The following LAMB2 variants were observed in gnomAD, a reference collection of about 807,000 sequenced individuals.
The protein encoded by LAMB2 is laminin subunit beta-2.
Under a neutral mutation model 202.7 loss-of-function variants are expected in LAMB2, and 119 were observed. That is an observed-to-expected ratio of 0.59 (90% CI 0.51 to 0.68). The LOEUF (loss-of-function observed/expected upper bound fraction) is 0.68, where lower values mean the gene tolerates loss of function less well. Among genes scored for constraint, LAMB2 ranks in the 30% least tolerant of loss-of-function variants. The pLI, the probability that LAMB2 is intolerant of heterozygous loss-of-function variation, is 0.00. For synonymous variants in LAMB2, 818 were observed against 902.2 expected, an observed-to-expected ratio of 0.91 and a Z score of 1.67; for missense variants, 2,124 against 2,410.6, an observed-to-expected ratio of 0.88 and a Z score of 2.49.
Position 49,123,753 on chromosome 3 carries a change from G to C in LAMB2, c.3772C>G (p.Leu1258Val), listed in dbSNP as rs771785818. 9.5e-5 allele frequency: 154 copies of C among 1,613,354 alleles called. 1 individual carries two copies. The Middle Eastern group carries it at 4.3e-3, about 45-fold the overall frequency. Residue 1258 changes from leucine (L) to valine (V), a missense_variant, in exon 24 of 32, where the codon CTT becomes GTT. Leu to Val is a conservative substitution (Grantham distance 32). This residue lies in a region of LAMB2 where 1,702 missense variants were observed against 1,896.3 expected (regional missense o/e 0.90). Coordinates refer to ENST00000305544, the MANE Select transcript of LAMB2 (RefSeq NM_002292.4). ...RNTSAASTAQ[L>V]VEATEELRRE... ...CGCAGCTCCTCTGTGGCCTCCACAA[G>C]CTGTGCAGTGGAGGCGGCTGAGGTG...
rs757984116 is a variant in LAMB2 at position 49,122,940 on chromosome 3, G to A, written c.4337C>T (p.Ala1446Val). The change falls in exon 27 of 32, where the codon GCG (alanine) becomes GTG (valine). Residue 1446 changes from alanine to valine, a missense_variant. Physicochemically the swap from Ala to Val is moderately conservative, Grantham distance 64. Transcript: ENST00000305544. Reference protein sequence around the residue: ...RCGGLSCNGAAATADLALGRA... With the variant: ...RCGGLSCNGAVATADLALGRA... ...GCCCAGTGCTAGGTCTGCTGTAGCC[G>A]CTGCCCCATTGCAGCTGAGGCCCCC... 2.4e-5 allele frequency: 38 copies of A among 1,608,598 alleles called. No individual in the cohort carries two copies. The highest frequency in any genetic ancestry group is 1.6e-4 in the Middle Eastern group (1 of 6,084).
chr3:49,124,975 C>T (rs748492905), intron 20 of LAMB2, 31 bp downstream of exon 20: 1 of 1,613,928 alleles, frequency 6.2e-7, no homozygotes, highest in South Asian at 1.1e-5. Context: ...GCCAACTCAC[C>T]CTGATCCCAC....
intron 18 of LAMB2, 51 bp downstream of exon 18, chr3:49,125,696 G>C: frequency 6.2e-7 from 1 of 1,601,486 alleles, no homozygotes; most frequent in Non-Finnish European, 8.5e-7. Context: ...AGAGAGAACA[G>C]TAATGGGAAG....
In LAMB2 at chr3:49,131,001, G is replaced by T. The variant is rs141473567; in HGVS notation, c.864C>A (p.His288Gln). 3 of 1,613,902 alleles carry T rather than the reference G, an allele frequency of 1.9e-6. No individual in the cohort carries two copies. Among genetic ancestry groups the T allele is most frequent in the African/African-American group, 1.3e-5 (1 of 74,934 alleles). The change falls in exon 7 of 32, where the codon CAC becomes CAA. Residue 288 changes from histidine to glutamine, a missense_variant. By Grantham distance (24) the His-to-Gln change is conservative. This residue lies in a region of LAMB2 where 256 missense variants were observed against 356.1 expected (regional missense o/e 0.72). Transcript: ENST00000305544. The surrounding 1 kb of genome is among the most constrained non-coding windows in gnomAD (Gnocchi z 5.0). Reference sequence around the variant, plus strand: ...CTGGGGCGGGTGCACACTCTGAGGCGTGTCCGTAGCAGAAGCAGTTGCCAC... The same window carrying T: ...CTGGGGCGGGTGCACACTCTGAGGCTTGTCCGTAGCAGAAGCAGTTGCCAC... ...VVRGNCFCYG[H>Q]ASECAPAPGA...
At position 49,125,489 on chromosome 3, in the gene LAMB2, G is replaced by A. The variant is rs1289751635; in HGVS notation, c.2489-5C>T. 6.3e-7 allele frequency: 1 copy of A among 1,577,830 alleles called. No individual in the cohort carries two copies. Among genetic ancestry groups the A allele is most frequent in the Admixed American group, 1.9e-5 (1 of 53,510 alleles). On this transcript the variant is annotated splice_region_variant and splice_polypyrimidine_tract_variant and intron_variant, in intron 18 of 31. Coordinates refer to ENST00000305544, the MANE Select transcript of LAMB2 (RefSeq NM_002292.4). Reference sequence around the variant, plus strand: ...CCTCGTGGCTGCACTGGCAGGCTAGGAGCAAGGCAGAGCTGAGCCAGAGCC... The same window carrying A: ...CCTCGTGGCTGCACTGGCAGGCTAGAAGCAAGGCAGAGCTGAGCCAGAGCC...
At chr3:49,127,206 G>C (rs2045424727) in intron 15 of LAMB2, among the ~76,000 whole-genome samples, 1 of 152,058 alleles carries the variant, frequency 6.6e-6, no homozygotes, top group South Asian at 2.1e-4. Context: ...GGCTGGTCTT[G>C]AATTCCTGGG....
rs2045404220 is a variant in LAMB2 at position 49,125,574 on chromosome 3, G to A, written c.2489-90C>T. 6 of 1,390,026 alleles carry A rather than the reference G, an allele frequency of 4.3e-6. No individual in the cohort carries two copies. In the South Asian group the frequency reaches 7.6e-5, roughly 18 times the overall value. 86.1% of individuals were successfully genotyped at this position (1,390,026 alleles called of 1,614,324 possible). On this transcript the variant is annotated intron_variant, in intron 18 of 31. Transcript: ENST00000305544. ...AGGGTCTCAGGGGAGTGTGAGTAGT[G>A]GGAGTCTAGGTGGGAAGGTCAGGAA...
At chr3:49,126,615 G>T in intron 15 of LAMB2, 118 bp from the exon 16 acceptor site, 1 of 1,326,582 alleles carries the variant, frequency 7.5e-7, no homozygotes, top group Non-Finnish European at 1.1e-6. Context: ...GACTATGGCT[G>T]GGTTGCGTTG....
Position 49,123,148 on chromosome 3 carries a change from G to C in LAMB2, c.4208C>G (p.Thr1403Arg), listed in dbSNP as rs1468699482. 1.9e-6 allele frequency: 3 copies of C among 1,612,866 alleles called. No individual in the cohort carries two copies. In the African/African-American group the frequency reaches 4.0e-5, roughly 22 times the overall value. The change falls in exon 26 of 32, where the codon ACA (threonine) becomes AGA (arginine). Residue 1403 changes from threonine (T) to arginine (R), a missense_variant. Physicochemically the swap from Thr to Arg is moderately conservative, Grantham distance 71. This residue lies in a region of LAMB2 where 1,702 missense variants were observed against 1,896.3 expected (regional missense o/e 0.90). Coordinates refer to ENST00000305544, the MANE Select transcript of LAMB2 (RefSeq NM_002292.4). ...LSAHTHTLSL[T>R]DINELVCGAP... The stretch of plus-strand genomic sequence containing the variant: ...CAACCTCACCAGCTCATTTATGTCT[G>C]TCAGGCTCAGGGTGTGGGTATGGGC...
Position 49,125,969 on chromosome 3 carries a change from A to G in LAMB2, c.2342T>C (p.Leu781Pro), listed in dbSNP as rs1441690941. The G allele has an allele frequency of 1.2e-6, 2 of 1,614,108 alleles. No individual in the cohort carries two copies. Among genetic ancestry groups the G allele is most frequent in the Admixed American group, 1.7e-5 (1 of 60,030 alleles). ...CAACCCACATCACAGACACTCACGCAGGGCACCATTGTAGATGAGGGTGGA... is the reference window on the plus strand; with the variant it reads ...CAACCCACATCACAGACACTCACGCGGGGCACCATTGTAGATGAGGGTGGA... ...SLSTLIYNGA[L>P]PCQCNPQGSL... The change falls in exon 17 of 32, where the codon CTG becomes CCG. Residue 781 changes from leucine to proline, a missense_variant and splice_region_variant. Physicochemically the swap from Leu to Pro is moderately conservative, Grantham distance 98. Coordinates refer to ENST00000305544, the MANE Select transcript of LAMB2 (RefSeq NM_002292.4).
intron 29 of LAMB2, 25 bp from the exon 30 acceptor site, chr3:49,121,885 C>A (rs1292129156): frequency 6.2e-7 from 1 of 1,613,392 alleles, no homozygotes; most frequent in Admixed American, 1.7e-5. Context: ...CCAAAGGTTA[C>A]ACAGATCTAC....
In LAMB2 at chr3:49,125,776, T is replaced by A. The variant is rs746761674; in HGVS notation, c.2459A>T (p.Tyr820Phe). 85 of 1,613,974 alleles carry A rather than the reference T, an allele frequency of 5.3e-5. No individual in the cohort carries two copies. The highest frequency in any genetic ancestry group is 7.1e-5 in the Non-Finnish European group (84 of 1,180,020). ...ACAGCCTGTGGGGCCAAAGCCATAG[T>A]AGCCAGGGGCACAGAGGTCACAGCG... ...GRRCDLCAPG[Y>F]YGFGPTGCQA... The change falls in exon 18 of 32, where the codon TAC becomes TTC. Residue 820 changes from tyrosine (Y) to phenylalanine (F), a missense_variant. Physicochemically the swap from Tyr to Phe is conservative, Grantham distance 22. Transcript: ENST00000305544.
chr3:49,123,583 G>T lies in LAMB2; in HGVS notation c.3846C>A (p.Asp1282Glu). ...AGTTCTCATCTTGCACATCTGTCAGGTCTGCCTCGAGCTGAGTCAGGTGCT... is the reference window on the plus strand; with the variant it reads ...AGTTCTCATCTTGCACATCTGTCAGTTCTGCCTCGAGCTGAGTCAGGTGCT... ...ATEHLTQLEADLTDVQDENFN... is the reference protein window; with the variant it reads ...ATEHLTQLEAELTDVQDENFN... The change falls in exon 25 of 32, where the codon GAC becomes GAA. Residue 1282 changes from aspartate to glutamate, a missense_variant. Physicochemically the swap from Asp to Glu is conservative, Grantham distance 45. Coordinates refer to ENST00000305544, the MANE Select transcript of LAMB2 (RefSeq NM_002292.4). 6.2e-7 allele frequency: 1 copy of T among 1,614,172 alleles called. No individual in the cohort carries two copies. Among genetic ancestry groups the T allele is most frequent in the Non-Finnish European group, 8.5e-7 (1 of 1,180,044 alleles).
intron 15 of LAMB2, among the ~76,000 whole-genome samples, chr3:49,127,395 T>C (rs1171092446): frequency 6.6e-6 from 1 of 151,600 alleles, no homozygotes; most frequent in Non-Finnish European, 1.5e-5. Context: ...ATTTACATGG[T>C]CAAAAACTAA....
intron 25 of LAMB2, 21 bp downstream of exon 25, chr3:49,123,426 C>T (rs775347971): frequency 1.2e-6 from 2 of 1,614,056 alleles, no homozygotes; most frequent in Admixed American, 1.7e-5. Context: ...GGTCCACCTG[C>T]CTAGTTGGCT....
Position 49,123,541 on chromosome 3 carries a change from T to G in LAMB2, c.3888A>C (p.Ala1296=), listed in dbSNP as rs779347078. Residue 1296 remains alanine, a synonymous_variant, in exon 25 of 32, where the codon GCA becomes GCC. Transcript: ENST00000305544. ...GCCTATCTCGCTCCAGACCACTTAG[T>G]GCATGGTTGGCATTGAAGTTCTCAT... ...VQDENFNANH[A]LSGLERDRLA... 1.9e-6 allele frequency: 3 copies of G among 1,614,192 alleles called. No homozygotes were observed. Among genetic ancestry groups the G allele is most frequent in the Non-Finnish European group, 2.5e-6 (3 of 1,180,028 alleles).
chr3:49,125,001 C>T lies in LAMB2; in HGVS notation c.2884+5G>A, dbSNP rs1560073017. 6.2e-7 allele frequency: 1 copy of T among 1,613,884 alleles called. No homozygotes were observed. The highest frequency in any genetic ancestry group is 1.1e-5 in the South Asian group (1 of 91,096). ...CTGATCCCACGCCTGCCCCCATCCA[C>T]TCACCCGTATAGCCTGCCCGGCAGT... On this transcript the variant is annotated splice_donor_5th_base_variant and intron_variant, in intron 20 of 31. Coordinates refer to ENST00000305544, the MANE Select transcript of LAMB2 (RefSeq NM_002292.4).
chr3:49,129,543 C>G lies in LAMB2; in HGVS notation c.1518+61G>C. The G allele has an allele frequency of 7.2e-7, 1 of 1,398,278 alleles. No individual in the cohort carries two copies. The highest frequency in any genetic ancestry group is 1.0e-6 in the Non-Finnish European group (1 of 988,182). The allele number at this position is 1,398,278 out of a possible 1,614,324, so 86.6% of individuals were successfully genotyped here. On this transcript the variant is annotated intron_variant, in intron 11 of 31. Transcript: ENST00000305544. The surrounding 1 kb of genome is among the most constrained non-coding windows in gnomAD (Gnocchi z 6.1). ...CCACCCACTGGCATAGATGTGACAC[C>G]CCAGCCCTGTGCTCTAAGGACAAAT...
At position 49,121,937 on chromosome 3, in the gene LAMB2, A is replaced by C. The variant is rs2045285824; in HGVS notation, c.4923+7T>G. The stretch of plus-strand genomic sequence containing the variant: ...CTTGTCCCACTGATGTCCTAGGAAG[A>C]CCTCACCTGGTACAGGGTCTGCTCT... On this transcript the variant is annotated splice_region_variant and intron_variant, in intron 29 of 31. Transcript: ENST00000305544. 4.3e-6 allele frequency: 7 copies of C among 1,613,796 alleles called. No individual in the cohort carries two copies. The highest frequency in any genetic ancestry group is 5.9e-6 in the Non-Finnish European group (7 of 1,179,998).
Sources: allele counts gnomAD v4.1 joint callset (sites outside exome capture counted in the v4.1 genomes callset), GRCh38; gene constraint gnomAD v4.1.1; regional missense constraint gnomAD v4.1.1; non-coding constraint Gnocchi (gnomAD v3.1); transcripts MANE v1.5; gene names NCBI Gene and HGNC (gene_info 2026-07-23, HGNC 2026-07-21).